YWHAB: variants seen among roughly 807,000 people sequenced by gnomAD.
YWHAB encodes tyrosine 3-monooxygenase/tryptophan 5-monooxygenase activation protein beta.
In YWHAB, 2 loss-of-function variants were observed where a neutral mutation model predicts 28.5. The observed-to-expected ratio is 0.07, with a 90% CI of 0.03 to 0.22. YWHAB has a LOEUF of 0.22. YWHAB is among the 10% of genes least tolerant of loss of function. The pLI is 1.00. For synonymous variants in YWHAB, 103 were observed against 104.7 expected, an observed-to-expected ratio of 0.98 and a Z score of 0.10; for missense variants, 148 against 297.1, an observed-to-expected ratio of 0.50 and a Z score of 3.69.
In YWHAB at chr20:44,905,045, A is replaced by G. The variant is rs779254957; in HGVS notation, c.502A>G (p.Ile168Val). Residue 168 changes from isoleucine (I) to valine (V), a missense_variant, in exon 4 of 6, where the codon ATT becomes GTT. By Grantham distance (29) the Ile-to-Val change is conservative. Transcript: ENST00000353703. ...GAAAGAAATGCAGCCTACACACCCA[A>G]TTCGTCTTGGTCTGGCACTAAATTT... The part of the protein sequence containing the change: ...SKKEMQPTHP[I>V]RLGLALNFSV... 5.0e-6 allele frequency: 8 copies of G among 1,613,532 alleles called. No individual in the cohort carries two copies. Among genetic ancestry groups the G allele is most frequent in the Non-Finnish European group, 5.1e-6 (6 of 1,179,618 alleles).
At chr20:44,901,865 G>A (rs150855004) in intron 2 of YWHAB, 32 bp downstream of exon 2, 1 of 1,552,898 alleles carries the variant, frequency 6.4e-7, no homozygotes, top group Non-Finnish European at 8.7e-7. Context: ...TTTGAACAGT[G>A]GTTTCTAAAT....
intron 1 of YWHAB, among the ~76,000 whole-genome samples, chr20:44,896,842 T>TTA (rs3838037): frequency 0.092 from 14,065 of 152,300 alleles, 827 homozygotes; most frequent in Middle Eastern, 0.13. Flanking sequence ...AAAATCCATG[T>TTA]TATATAAGTC....
intron 1 of YWHAB, among the ~76,000 whole-genome samples, chr20:44,893,760 G>C (rs1457393560): frequency 6.9e-6 from 1 of 144,002 alleles, no homozygotes; most frequent in Non-Finnish European, 1.5e-5. Flanking sequence ...GTGTAGTGGC[G>C]CAGTTTCGGC....
In YWHAB at chr20:44,885,740, C is replaced by G. The variant is rs1468292461; in HGVS notation, c.-150C>G. ...CTACCGCCACCGCCGCCGCCGATTC[C>G]GGAGCCGGGGTAGTCGCCGCCGCCG... On this transcript the variant is annotated 5_prime_UTR_variant, in exon 1 of 6. Coordinates refer to ENST00000353703, the MANE Select transcript of YWHAB (RefSeq NM_139323.4). 1 of 174,730 alleles carries G rather than the reference C, an allele frequency of 5.7e-6. No individual in the cohort carries two copies. Among genetic ancestry groups the G allele is most frequent in the Non-Finnish European group, 1.2e-5 (1 of 86,288 alleles). The allele number at this position is 174,730 out of a possible 1,614,324, so 10.8% of individuals were successfully genotyped here.
chr20:44,900,996 G>A (rs562936200), intron 1 of YWHAB, among the ~76,000 whole-genome samples: 24 of 152,204 alleles, frequency 1.6e-4, no homozygotes, highest in African/African-American at 5.1e-4. Flanking sequence ...GGCTGGTCTC[G>A]AACTCCTGAC....
chr20:44,905,848 G>A, intron 4 of YWHAB, 153 bp from the exon 5 acceptor site: 1 of 605,432 alleles, frequency 1.7e-6, no homozygotes, highest in South Asian at 2.2e-5. Flanking sequence ...TTATACTTCT[G>A]CTGGAAACAG....
intron 2 of YWHAB, chr20:44,902,189 T>C (rs2066631249): frequency 6.0e-6 from 1 of 167,100 alleles, no homozygotes; most frequent in African/African-American, 2.4e-5. Flanking sequence ...AGTGATGTCA[T>C]CGCCAGTAGG....
In YWHAB at chr20:44,907,063, T is replaced by G. The variant is rs1163937339; in HGVS notation, c.*625T>G. ...AACTCGAATCCTGAAATGGAAATTC[T>G]TTGTGGCAGATAACTGGCTTATGAC... On this transcript the variant is annotated 3_prime_UTR_variant, in exon 6 of 6. Transcript: ENST00000353703. 1 of 152,296 alleles carries G rather than the reference T, an allele frequency of 6.6e-6. No individual in the cohort carries two copies. Among genetic ancestry groups the G allele is most frequent in the Non-Finnish European group, 1.5e-5 (1 of 68,082 alleles). 9.4% of individuals were successfully genotyped at this position (152,296 alleles called of 1,614,324 possible).
chr20:44,891,832 A>G (rs990512161), intron 1 of YWHAB, among the ~76,000 whole-genome samples: 9 of 152,226 alleles, frequency 5.9e-5, no homozygotes, highest in African/African-American at 2.4e-5. Context: ...TTTGTATTAC[A>G]GATATGCTGT....
chr20:44,895,419 A>T (rs903713400), intron 1 of YWHAB, among the ~76,000 whole-genome samples: 1 of 152,228 alleles, frequency 6.6e-6, no homozygotes, highest in African/African-American at 2.4e-5. Flanking sequence ...AAAGGGAGTC[A>T]TTGGAAGTTA....
chr20:44,899,714 A>T (rs139716262), intron 1 of YWHAB, among the ~76,000 whole-genome samples: 250 of 152,314 alleles, frequency 1.6e-3, no homozygotes, highest in African/African-American at 5.7e-3. Context: ...GTAAATGGTG[A>T]TTATTGCAGT....
intron 1 of YWHAB, among the ~76,000 whole-genome samples, chr20:44,890,242 A>G (rs1281884944): frequency 6.6e-6 from 1 of 152,240 alleles, no homozygotes; most frequent in Non-Finnish European, 1.5e-5. Context: ...AAATACAATG[A>G]TTGGTAGCTG....
At chr20:44,899,422 G>A (rs1219230924) in intron 1 of YWHAB, among the ~76,000 whole-genome samples, 2 of 152,164 alleles carry the variant, frequency 1.3e-5, no homozygotes, top group African/African-American at 4.8e-5. Context: ...GGAGGTTGCA[G>A]TGAACCGAGA....
At chr20:44,888,723 A>G (rs896531147) in intron 1 of YWHAB, among the ~76,000 whole-genome samples, 2 of 152,234 alleles carry the variant, frequency 1.3e-5, no homozygotes, top group South Asian at 2.1e-4. Context: ...AATTGCTAGC[A>G]TGCATCAGGA....
At chr20:44,901,443 C>G in intron 1 of YWHAB, 88 bp from the exon 2 acceptor site, 6 of 1,344,834 alleles carry the variant, frequency 4.5e-6, no homozygotes, top group Non-Finnish European at 6.1e-6. Flanking sequence ...ATGCTGCTTT[C>G]CAGATGGGTT....
intron 1 of YWHAB, among the ~76,000 whole-genome samples, chr20:44,897,156 T>G (rs2066600690): frequency 6.6e-6 from 1 of 152,210 alleles, no homozygotes; most frequent in Non-Finnish European, 1.5e-5. Flanking sequence ...AGTAGTATGA[T>G]TTAACTTTTA....
rs775632748 is a variant in YWHAB at position 44,906,504 on chromosome 20, TAAAAAAAA to T, written c.*82_*89del. The T allele has an allele frequency of 4.1e-4, 147 of 358,264 alleles. No individual in the cohort carries two copies. The highest frequency in any genetic ancestry group is 1.7e-3 in the Admixed American group (22 of 12,760). 22.2% of individuals were successfully genotyped at this position (358,264 alleles called of 1,614,324 possible). A position where few individuals can be genotyped will look rare whatever the true frequency, so the allele number is the denominator to read the frequency against. ...CCCTCAACATATATCCCTTGTGCGA[TAAAAAAAA>T]AAAAAAAAAAAAAAAGAGAATCGTA... On this transcript the variant is annotated 3_prime_UTR_variant, in exon 6 of 6. Coordinates refer to ENST00000353703, the MANE Select transcript of YWHAB (RefSeq NM_139323.4).
chr20:44,902,299 A>C (rs1257645527), intron 2 of YWHAB: 1 of 153,818 alleles, frequency 6.5e-6, no homozygotes, highest in Non-Finnish European at 1.4e-5. Context: ...CACATCCATC[A>C]AGTTCGGCAT....
Position 44,905,118 on chromosome 20 carries a change from G to T in YWHAB, c.575G>T (p.Ser192Ile), listed in dbSNP as rs1208129243. ...EILNSPEKAC[S>I]LAKTAFDEAI... The stretch of plus-strand genomic sequence containing the variant: ...CTAAACTCTCCTGAAAAGGCCTGTA[G>T]CCTGGCAAAAACGGTGAGAAAGACC... The change falls in exon 4 of 6, where the codon AGC (serine) becomes ATC (isoleucine). Residue 192 changes from serine (S) to isoleucine (I), a missense_variant. This residue lies in a region of YWHAB where 38 missense variants were observed against 119.2 expected (regional missense o/e 0.32). Coordinates refer to ENST00000353703, the MANE Select transcript of YWHAB (RefSeq NM_139323.4). 3 of 1,607,606 alleles carry T rather than the reference G, an allele frequency of 1.9e-6. No individual in the cohort carries two copies. Among genetic ancestry groups the T allele is most frequent in the Non-Finnish European group, 2.5e-6 (3 of 1,177,868 alleles).
Sources: allele counts gnomAD v4.1 joint callset (sites outside exome capture counted in the v4.1 genomes callset), GRCh38; gene constraint gnomAD v4.1.1; regional missense constraint gnomAD v4.1.1; transcripts MANE v1.5; gene names NCBI Gene and HGNC (gene_info 2026-07-23, HGNC 2026-07-21).